The following ERICH3 variants were observed in gnomAD, a reference collection of about 807,000 sequenced individuals.
The protein encoded by ERICH3 is glutamate-rich protein 3.
In ERICH3, 126 loss-of-function variants were observed where a neutral mutation model predicts 131.1. The ratio of observed to expected loss-of-function variants is 0.96; its 90% CI spans 0.83 to 1.11. The LOEUF is 1.11. Ranked by LOEUF, ERICH3 falls within the 50% of genes most tolerant of loss-of-function variation. ERICH3 has a pLI of 0.00. For synonymous variants in ERICH3, 695 were observed against 644.6 expected, an observed-to-expected ratio of 1.08 and a Z score of -1.18; for missense variants, 2,050 against 1,810.7, an observed-to-expected ratio of 1.13 and a Z score of -2.40.
rs1371384502 is a variant in ERICH3, at chr1:74,606,911, A to T, written c.1188-9T>A. 6.2e-7 allele frequency: 1 copy of T among 1,605,462 alleles called. No individual in the cohort carries two copies. The highest frequency in any genetic ancestry group is 1.7e-5 in the Admixed American group (1 of 58,754). On this transcript the variant is annotated splice_polypyrimidine_tract_variant and intron_variant, in intron 9 of 14. Coordinates refer to ENST00000326665, the MANE Select transcript of ERICH3 (RefSeq NM_001002912.5). Reference sequence around the variant, plus strand: ...CCATTGCAATAATGCACCTATGAAAAATATTAGCAGGAAGTGTTTGTTAAC... The same window carrying T: ...CCATTGCAATAATGCACCTATGAAATATATTAGCAGGAAGTGTTTGTTAAC...
intron 5 of ERICH3, among the ~76,000 whole-genome samples, chr1:74,637,046 T>A (rs746903997): frequency 9.9e-5 from 15 of 152,198 alleles, no homozygotes; most frequent in Non-Finnish European, 2.2e-4. Flanking sequence ...AAATTGGATA[T>A]GTTTTCTATG....
At chr1:74,619,007 G>T (rs1649100079) in intron 8 of ERICH3, among the ~76,000 whole-genome samples, 1 of 152,144 alleles carries the variant, frequency 6.6e-6, no homozygotes, top group Non-Finnish European at 1.5e-5. Context: ...TCAACTCTGA[G>T]CCACCCAACT....
intron 8 of ERICH3, among the ~76,000 whole-genome samples, chr1:74,613,166 T>C (rs974701687): frequency 8.5e-5 from 13 of 152,218 alleles, no homozygotes; most frequent in African/African-American, 3.1e-4. Context: ...GAGGACAATT[T>C]TTAGTGATAA....
chr1:74,650,690 C>G (rs897524363), intron 1 of ERICH3, among the ~76,000 whole-genome samples: 3 of 152,116 alleles, frequency 2.0e-5, no homozygotes, highest in Non-Finnish European at 4.4e-5. Context: ...AGCATAGGAT[C>G]TGACAACACT....
rs1646985618 is a variant in ERICH3 at position 74,573,021 on chromosome 1, G to A, written c.2689C>T (p.Gln897Ter). The A allele has an allele frequency of 1.2e-6, 2 of 1,613,992 alleles. No homozygotes were observed. Among genetic ancestry groups the A allele is most frequent in the Non-Finnish European group, 8.5e-7 (1 of 1,180,014 alleles). Residue 897 changes from glutamine (Q) to a stop codon, truncating the protein, a stop_gained, in exon 14 of 15, where the codon CAG (glutamine) becomes TAG (stop). Transcript: ENST00000326665. LOFTEE classifies it high-confidence loss of function. ...GCAAGCACTGCCTTCTCTAAACCCT[G>A]TTCCCCTTCAGAAGCTGCTTTGTCT... ...ETDKAASEGEQGLEKAVLANE... is the reference protein window; with the variant it reads ...ETDKAASEGE
rs577663252 is a variant in ERICH3 at position 74,614,045 on chromosome 1, G to A, written c.1001-1236C>T. Among the ~76,000 whole-genome samples the A allele has an allele frequency of 4.5e-4, 68 of 152,224 alleles. No individual in the cohort carries two copies. In the Middle Eastern group the frequency reaches 0.01, roughly 23 times the overall value. On this transcript the variant is annotated intron_variant, in intron 8 of 14. Coordinates refer to ENST00000326665, the MANE Select transcript of ERICH3 (RefSeq NM_001002912.5). The stretch of plus-strand genomic sequence containing the variant: ...TAATGGTGTATCAGCATCACCTAGA[G>A]GGCTTGTTAAAATACAGATTGCTGG...
chr1:74,616,092 C>T (rs773847862), intron 8 of ERICH3, among the ~76,000 whole-genome samples: 1 of 152,084 alleles, frequency 6.6e-6, no homozygotes, highest in Non-Finnish European at 1.5e-5. Context: ...ACCTCTGCCT[C>T]CTGGGTTCAA....
chr1:74,589,377 C>A, intron 12 of ERICH3: 1 of 547,288 alleles, frequency 1.8e-6, no homozygotes. Context: ...ATGGAATTCC[C>A]ATAGGAGGGA....
At chr1:74,646,026 G>A (rs917011696) in intron 3 of ERICH3, among the ~76,000 whole-genome samples, 1 of 151,946 alleles carries the variant, frequency 6.6e-6, no homozygotes. Flanking sequence ...CAAGTTCCAT[G>A]GAGCAAGGCT....
chr1:74,660,403 A>C (rs901280790), intron 1 of ERICH3, among the ~76,000 whole-genome samples: 1 of 151,806 alleles, frequency 6.6e-6, no homozygotes, highest in East Asian at 1.9e-4. Context: ...TGATAAAGGC[A>C]GTTACCATTG....
chr1:74,571,288 G>A lies in ERICH3; in HGVS notation c.4422C>T (p.Phe1474=). ...GRQETGAAEK[F]RLGLSREGER... is the part of the protein sequence containing the mutation. ...CTCCCTCCCGTGATAATCCTAATCG[G>A]AATTTTTCAGCTGCTCCTGTCTCCT... The change falls in exon 14 of 15, where the codon TTC becomes TTT. Residue 1474 remains phenylalanine (F), a synonymous_variant. Transcript: ENST00000326665. The A allele has an allele frequency of 6.2e-7, 1 of 1,614,022 alleles. No individual in the cohort carries two copies. The highest frequency in any genetic ancestry group is 1.7e-5 in the Admixed American group (1 of 60,016).
rs922058172 is a variant in ERICH3, at chr1:74,673,748, GGA to G, written c.-231_-230del. 1 of 411,556 alleles carries G rather than the reference GGA, an allele frequency of 2.4e-6. No homozygotes were observed. The highest frequency in any genetic ancestry group is 2.1e-5 in the African/African-American group (1 of 47,848). 25.5% of individuals were successfully genotyped at this position (411,556 alleles called of 1,614,324 possible). ...CCACAGCTTCCCTGTTGCTAAGGGAGGAGAGAGGCAAGCGCCCAGGGTCTGGA... is the reference window on the plus strand; with the variant it reads ...CCACAGCTTCCCTGTTGCTAAGGGAGGAGAGGCAAGCGCCCAGGGTCTGGA... On this transcript the variant is annotated 5_prime_UTR_variant, in exon 1 of 15. Coordinates refer to ENST00000326665, the MANE Select transcript of ERICH3 (RefSeq NM_001002912.5).
chr1:74,588,981 T>C (rs1415389499), intron 12 of ERICH3, among the ~76,000 whole-genome samples: 2 of 152,224 alleles, frequency 1.3e-5, no homozygotes, highest in African/African-American at 4.8e-5. Context: ...AAATTCATAT[T>C]ACACAGACGC....
intron 1 of ERICH3, among the ~76,000 whole-genome samples, chr1:74,653,256 C>A (rs1410261247): frequency 6.6e-6 from 1 of 151,968 alleles, no homozygotes; most frequent in East Asian, 1.9e-4. Flanking sequence ...TGTTTAATGA[C>A]TAATTTTAGG....
chr1:74,659,782 A>C (rs1646622954), intron 1 of ERICH3, among the ~76,000 whole-genome samples: 1 of 152,192 alleles, frequency 6.6e-6, no homozygotes, highest in Admixed American at 6.5e-5. Flanking sequence ...AAGAACTGAA[A>C]TCTGAACTGG....
intron 7 of ERICH3, among the ~76,000 whole-genome samples, chr1:74,627,880 A>G (rs1161122512): frequency 6.6e-6 from 1 of 152,200 alleles, no homozygotes; most frequent in Non-Finnish European, 1.5e-5. Flanking sequence ...TTTATCATTT[A>G]CTACCATAAA....
intron 6 of ERICH3, among the ~76,000 whole-genome samples, chr1:74,635,405 A>G (rs1220795640): frequency 2.0e-5 from 3 of 152,170 alleles, no homozygotes; most frequent in Non-Finnish European, 4.4e-5. Flanking sequence ...TTAGAGTTGT[A>G]TTTATACTTT....
In ERICH3 at chr1:74,605,588, T is replaced by A. The variant is rs552261904; in HGVS notation, c.1489+1013A>T. 7.8e-4 allele frequency among the ~76,000 whole-genome samples: 118 copies of A among 151,836 alleles called. 1 individual carries two copies. The highest frequency in any genetic ancestry group is 4.8e-3 in the Admixed American group (73 of 15,204). On this transcript the variant is annotated intron_variant, in intron 10 of 14. Coordinates refer to ENST00000326665, the MANE Select transcript of ERICH3 (RefSeq NM_001002912.5). ...TATTATGTAGGGTTATTAATTAACC[T>A]AATTTCAATACTGTTGTGGGTTAGG...
At position 74,568,568 on chromosome 1, in the gene ERICH3, A is replaced by T. The variant is rs1646898576; in HGVS notation, c.*1890T>A. On this transcript the variant is annotated 3_prime_UTR_variant, in exon 15 of 15. Transcript: ENST00000326665. ...TTAAGACAGATGATGGAGATTTATG[A>T]TGTGCAGTGAGTAATATCCTTGAAT... is the stretch of plus-strand genomic sequence containing the variant. The T allele has an allele frequency of 6.6e-6, 1 of 152,196 alleles. No homozygotes were observed. The highest frequency in any genetic ancestry group is 1.5e-5 in the Non-Finnish European group (1 of 68,020). The allele number at this position is 152,196 out of a possible 1,614,324, so 9.4% of individuals were successfully genotyped here.
Sources: allele counts gnomAD v4.1 joint callset (sites outside exome capture counted in the v4.1 genomes callset), GRCh38; gene constraint gnomAD v4.1.1; transcripts MANE v1.5; gene names NCBI Gene and HGNC (gene_info 2026-07-23, HGNC 2026-07-21).